Variants in AASDH observed in about 807,000 individuals in gnomAD.
AASDH encodes the protein beta-alanine-activating enzyme.
Under a neutral mutation model 102.3 loss-of-function variants are expected in AASDH, and 81 were observed. The observed-to-expected ratio is 0.79, with a 90% CI of 0.66 to 0.95. AASDH has a LOEUF of 0.95. Among genes scored for constraint, AASDH ranks in the 40% least tolerant of loss-of-function variants. AASDH has a pLI of 0.00. For synonymous variants in AASDH, 398 were observed against 454.0 expected (o/e 0.88, Z 1.57); for missense variants, 1,203 against 1,266.2 (o/e 0.95, Z 0.76).
intron 1 of AASDH, among the ~76,000 whole-genome samples, chr4:56,386,185 A>G (rs1753531881): frequency 6.6e-6 from 1 of 152,198 alleles, no homozygotes; most frequent in African/African-American, 2.4e-5. Context: ...TTTTTAATGC[A>G]CAAGATACAA....
intron 5 of AASDH, among the ~76,000 whole-genome samples, chr4:56,361,809 A>G (rs1014008950): frequency 2.0e-5 from 3 of 152,012 alleles, no homozygotes; most frequent in East Asian, 1.9e-4. Context: ...TGTCTCTACA[A>G]AAGATTTTAA....
intron 5 of AASDH, chr4:56,356,584 A>C (rs1232061887): frequency 2.0e-5 from 15 of 739,768 alleles, no homozygotes; most frequent in South Asian, 1.3e-4. Flanking sequence ...GAGAACAAAG[A>C]AAGCTCAGCT....
chr4:56,373,363 G>A (rs1026663795), intron 4 of AASDH, among the ~76,000 whole-genome samples: 19 of 152,100 alleles, frequency 1.2e-4, no homozygotes, highest in South Asian at 2.1e-4. Context: ...GGCCGGTCTC[G>A]AACTCCTGAC....
At chr4:56,385,910 G>A (rs573114196) in intron 1 of AASDH, among the ~76,000 whole-genome samples, 6 of 148,666 alleles carry the variant, frequency 4.0e-5, no homozygotes, top group Non-Finnish European at 7.5e-5. Context: ...GCCCGGCCGA[G>A]TCAAGTTTTC....
In AASDH at chr4:56,384,355, G is replaced by A; in HGVS notation, c.-42-14C>T. 1 of 1,516,974 alleles carries A rather than the reference G, an allele frequency of 6.6e-7. No homozygotes were observed. Among genetic ancestry groups the A allele is most frequent in the Non-Finnish European group, 9.1e-7 (1 of 1,095,434 alleles). 94.0% of individuals were successfully genotyped at this position (1,516,974 alleles called of 1,614,324 possible). A position where few individuals can be genotyped will look rare whatever the true frequency, so the allele number is the denominator to read the frequency against. The stretch of plus-strand genomic sequence containing the variant: ...TAGCACAGAACCCTGTGTATATACA[G>A]AAGTGTTAGGGGGAGAGGGAGTTTT... On this transcript the variant is annotated splice_polypyrimidine_tract_variant and intron_variant, in intron 1 of 14. Transcript: ENST00000205214.
chr4:56,371,857 C>A (rs537291954), intron 4 of AASDH, among the ~76,000 whole-genome samples: 2 of 152,148 alleles, frequency 1.3e-5, no homozygotes, highest in African/African-American at 4.8e-5. Context: ...CCACGTTTTA[C>A]CAGACATATT....
chr4:56,366,435 C>T (rs1219526680), intron 5 of AASDH, among the ~76,000 whole-genome samples: 1 of 151,938 alleles, frequency 6.6e-6, no homozygotes, highest in Non-Finnish European at 1.5e-5. Flanking sequence ...AATTTTAGAC[C>T]AATATCCTTG....
intron 4 of AASDH, among the ~76,000 whole-genome samples, chr4:56,373,250 C>T (rs1459579229): frequency 6.6e-6 from 1 of 152,138 alleles, no homozygotes; most frequent in Admixed American, 6.5e-5. Flanking sequence ...AGCGATTCTC[C>T]TGCCTCAGCT....
rs756261327 is a variant in AASDH at position 56,354,223 on chromosome 4, A to T, written c.1211-12T>A. On this transcript the variant is annotated splice_polypyrimidine_tract_variant and intron_variant, in intron 7 of 14. Transcript: ENST00000205214. ...TCTGTTTCTGCCACCTTCCCAAGAT[A>T]TAAACACCAATGTCATAAAAATCCA... 9 of 1,544,066 alleles carry T rather than the reference A, an allele frequency of 5.8e-6. No individual in the cohort carries two copies. Among genetic ancestry groups the T allele is most frequent in the Non-Finnish European group, 7.9e-6 (9 of 1,143,428 alleles).
In AASDH at chr4:56,339,461, A is replaced by G. The variant is rs537662669; in HGVS notation, c.2908-670T>C. Among the ~76,000 whole-genome samples, 3 of 152,272 alleles carry G rather than the reference A, an allele frequency of 2.0e-5. No homozygotes were observed. The East Asian group carries it at 5.8e-4, about 29-fold the overall frequency. On this transcript the variant is annotated intron_variant, in intron 14 of 14. Coordinates refer to ENST00000205214, the MANE Select transcript of AASDH (RefSeq NM_181806.4). ...CATCCAGCCTTCAGTGTATCTTATTAAAAACTGGGCCAGGCGTGGTGTTTC... is the reference window on the plus strand; with the variant it reads ...CATCCAGCCTTCAGTGTATCTTATTGAAAACTGGGCCAGGCGTGGTGTTTC...
chr4:56,354,854 G>A (rs763895404), intron 6 of AASDH, 43 bp from the exon 7 acceptor site: 1 of 1,437,726 alleles, frequency 7.0e-7, no homozygotes, highest in South Asian at 1.3e-5. Context: ...TTTTTCATTT[G>A]AATAGAATAT....
Position 56,349,648 on chromosome 4 carries a change from A to G in AASDH, c.2103T>C (p.His701=). ...AGTCAGAAGGACAGGCTGAAGAGCA[A>G]TGTCCTAACTTTGTTAAAAACCTAG... ...NSTRFLTKLG[H]CSSACPSDSV... is the part of the protein sequence containing the mutation. Residue 701 remains histidine, a synonymous_variant, in exon 11 of 15, where the codon CAT becomes CAC. Transcript: ENST00000205214. 4 of 1,614,214 alleles carry G rather than the reference A, an allele frequency of 2.5e-6. No homozygotes were observed. The highest frequency in any genetic ancestry group is 3.4e-6 in the Non-Finnish European group (4 of 1,180,040).
Position 56,354,812 on chromosome 4 carries a change from C to A in AASDH, c.1104-1G>T. The A allele has an allele frequency of 6.3e-7, 1 of 1,591,796 alleles. No individual in the cohort carries two copies. Among genetic ancestry groups the A allele is most frequent in the Non-Finnish European group, 8.5e-7 (1 of 1,170,168 alleles). On this transcript the variant is annotated splice_acceptor_variant, in intron 6 of 14. Coordinates refer to ENST00000205214, the MANE Select transcript of AASDH (RefSeq NM_181806.4). LOFTEE classifies it high-confidence loss of function. ...TCCCAGTTGTACAGGCAATTCACAT[C>A]TATGAAAATAAGATACAGAGCAGAT... is the stretch of plus-strand genomic sequence containing the variant.
chr4:56,381,992 G>A (rs2110008597), intron 3 of AASDH: 1 of 152,234 alleles, frequency 6.6e-6, no homozygotes, highest in East Asian at 1.9e-4. Flanking sequence ...TTTTCAAAAT[G>A]CAAGCTTAGT....
chr4:56,355,181 C>T lies in AASDH; in HGVS notation c.1103+1G>A. The T allele has an allele frequency of 6.2e-7, 1 of 1,613,218 alleles. No individual in the cohort carries two copies. Among genetic ancestry groups the T allele is most frequent in the Non-Finnish European group, 8.5e-7 (1 of 1,179,774 alleles). Reference sequence around the variant, plus strand: ...CTATATAGTACAATGAAAACCCTTACTTGAGAGTAGAGTTAAGAGTCTTCT... The same window carrying T: ...CTATATAGTACAATGAAAACCCTTATTTGAGAGTAGAGTTAAGAGTCTTCT... On this transcript the variant is annotated splice_donor_variant, in intron 6 of 14. Coordinates refer to ENST00000205214, the MANE Select transcript of AASDH (RefSeq NM_181806.4). LOFTEE classifies it high-confidence loss of function.
At chr4:56,371,743 T>C in intron 4 of AASDH, 100 bp from the exon 5 acceptor site, 3 of 1,120,484 alleles carry the variant, frequency 2.7e-6, no homozygotes, top group Non-Finnish European at 3.6e-6. Context: ...AGTTTCTGAA[T>C]GTTGGCCAGA....
intron 5 of AASDH, chr4:56,356,127 C>A: frequency 1.6e-6 from 1 of 636,216 alleles, no homozygotes. Flanking sequence ...CTCCTCCCGC[C>A]GTCCAAGATG....
chr4:56,383,867 C>T (rs1342434608), intron 2 of AASDH, among the ~76,000 whole-genome samples: 1 of 151,928 alleles, frequency 6.6e-6, no homozygotes, highest in Non-Finnish European at 1.5e-5. Flanking sequence ...AGCTTCTAGT[C>T]TTTCCTAAAT....
rs758824280 is a variant in AASDH, at chr4:56,338,403, T to G, written c.3296A>C (p.Ter1099SerextTer29). The G allele has an allele frequency of 3.7e-6, 6 of 1,612,796 alleles. No individual in the cohort carries two copies. Among genetic ancestry groups the G allele is most frequent in the Non-Finnish European group, 5.1e-6 (6 of 1,179,296 alleles). Reference sequence around the variant, plus strand: ...TATACAAATAAGGACTGTATTTGATTATTTTTGATTGCCACCCAATAAATC... The same window carrying G: ...TATACAAATAAGGACTGTATTTGATGATTTTTGATTGCCACCCAATAAATC... Reference protein sequence around the residue: ...CLDLLGGNQK* With the variant: ...CLDLLGGNQKS Residue 1099 changes from the stop codon to serine, a stop_lost, in exon 15 of 15, where the codon TAA becomes TCA. Coordinates refer to ENST00000205214, the MANE Select transcript of AASDH (RefSeq NM_181806.4).
Sources: gnomAD v4.1 joint callset for allele counts (sites outside exome capture counted in the v4.1 genomes callset) on GRCh38, gnomAD v4.1.1 for gene constraint, MANE v1.5 for transcripts, NCBI Gene and HGNC (gene_info 2026-07-23, HGNC 2026-07-21) for gene names.